Variants in GSG1L observed in about 807,000 individuals in gnomAD.
The protein encoded by GSG1L is GSG1 like.
Under a neutral mutation model 42.1 loss-of-function variants are expected in GSG1L, and 24 were observed. The observed-to-expected ratio is 0.57, with a 90% CI of 0.41 to 0.80. The LOEUF (loss-of-function observed/expected upper bound fraction) is 0.80, where lower values mean the gene tolerates loss of function less well. Ranked by LOEUF, GSG1L falls within the 30% of genes least tolerant of loss-of-function variation. The pLI, the probability that GSG1L is intolerant of heterozygous loss-of-function variation, is 0.00. For synonymous variants in GSG1L, 215 were observed against 203.5 expected, an observed-to-expected ratio of 1.06 and a Z score of -0.48; for missense variants, 445 against 472.2, an observed-to-expected ratio of 0.94 and a Z score of 0.53.
At chr16:28,006,748 T>C (rs2085644247) in intron 1 of GSG1L, among the ~76,000 whole-genome samples, 1 of 152,188 alleles carries the variant, frequency 6.6e-6, no homozygotes. Flanking sequence ...TAATACATTC[T>C]GAAAATGCCA....
Position 28,063,421 on chromosome 16 carries a change from T to C in GSG1L, c.4A>G (p.Lys2Glu). The change falls in exon 1 of 7, where the codon AAG (lysine) becomes GAG (glutamate). Residue 2 changes from lysine to glutamate, a missense_variant. Physicochemically the swap from Lys to Glu is moderately conservative, Grantham distance 56. Transcript: ENST00000447459. The surrounding 1 kb of genome is among the most constrained non-coding windows in gnomAD (Gnocchi z 5.8). ...AGCGCTCGGCCGCGGCGGCTAGTCT[T>C]CATGCCGCCCGCGCCGCCGGGACGG... M[K>E]TSRRGRALLA... 3 of 1,270,142 alleles carry C rather than the reference T, an allele frequency of 2.4e-6. No individual in the cohort carries two copies. The highest frequency in any genetic ancestry group is 3.0e-6 in the Non-Finnish European group (3 of 1,003,490). The allele number at this position is 1,270,142 out of a possible 1,614,324, so 78.7% of individuals were successfully genotyped here.
At chr16:27,993,651 GC>G (rs2085478972) in intron 1 of GSG1L, among the ~76,000 whole-genome samples, 1 of 152,182 alleles carries the variant, frequency 6.6e-6, no homozygotes, top group South Asian at 2.1e-4. Flanking sequence ...AAAGGAAGAA[GC>G]TGGTCAGGCA....
chr16:27,972,510 A>C (rs1408775541), intron 1 of GSG1L, among the ~76,000 whole-genome samples: 2 of 152,244 alleles, frequency 1.3e-5, no homozygotes, highest in Non-Finnish European at 2.9e-5. Context: ...AATTAAGTTT[A>C]TATGTTTAGT....
At chr16:28,006,936 T>A in intron 1 of GSG1L, among the ~76,000 whole-genome samples, 1 of 151,908 alleles carries the variant, frequency 6.6e-6, no homozygotes, top group Non-Finnish European at 1.5e-5. Flanking sequence ...TGGCACAGCA[T>A]CTAAAAGCAG....
At chr16:28,007,837 C>T (rs1202614813) in intron 1 of GSG1L, among the ~76,000 whole-genome samples, 1 of 152,044 alleles carries the variant, frequency 6.6e-6, no homozygotes, top group Non-Finnish European at 1.5e-5. Flanking sequence ...TGTTTTAAGC[C>T]ACTGAGTTTG....
intron 5 of GSG1L, among the ~76,000 whole-genome samples, chr16:27,824,946 C>T (rs571677101): frequency 5.6e-4 from 85 of 152,362 alleles, no homozygotes; most frequent in African/African-American, 1.9e-3. Context: ...GTGCCCACTT[C>T]GGGCCCTGTG....
chr16:27,864,242 C>T (rs1203626937), intron 3 of GSG1L, among the ~76,000 whole-genome samples: 3 of 152,138 alleles, frequency 2.0e-5, no homozygotes, highest in African/African-American at 4.8e-5. Flanking sequence ...TTTGATTGGC[C>T]GGGCTTTGGG....
chr16:27,832,817 T>C (rs906296699), intron 4 of GSG1L, among the ~76,000 whole-genome samples: 1 of 152,242 alleles, frequency 6.6e-6, no homozygotes, highest in Admixed American at 6.5e-5. Flanking sequence ...ATTGTTTTGT[T>C]GTTGTTTACT....
At chr16:27,975,103 A>G (rs1017800797) in intron 1 of GSG1L, among the ~76,000 whole-genome samples, 4 of 152,058 alleles carry the variant, frequency 2.6e-5, no homozygotes, top group Non-Finnish European at 4.4e-5. Flanking sequence ...TCTTTCCAAC[A>G]TGTTCCCAGA....
At chr16:27,796,108 C>T (rs1473395041) in intron 6 of GSG1L, among the ~76,000 whole-genome samples, 2 of 152,270 alleles carry the variant, frequency 1.3e-5, no homozygotes, top group East Asian at 3.9e-4. Flanking sequence ...TATTGATGCT[C>T]CTGACCCTAC....
intron 2 of GSG1L, among the ~76,000 whole-genome samples, chr16:27,908,572 G>A (rs776351220): frequency 1.1e-4 from 16 of 152,168 alleles, no homozygotes; most frequent in Non-Finnish European, 2.1e-4. Context: ...CACAGTTCTG[G>A]AGGCTGGGAA....
chr16:28,016,373 A>C (rs1258304717), intron 1 of GSG1L, among the ~76,000 whole-genome samples: 1 of 152,210 alleles, frequency 6.6e-6, no homozygotes, highest in Non-Finnish European at 1.5e-5. Flanking sequence ...AGGAGGAAGC[A>C]GATGCTGAGG....
At chr16:27,914,530 A>ATT (rs34120581) in intron 2 of GSG1L, among the ~76,000 whole-genome samples, 5,411 of 139,562 alleles carry the variant, frequency 0.039, 208 homozygotes, top group African/African-American at 0.087. Context: ...TTTCTTTTCT[A>ATT]TTTTTTTTTT....
rs1170426500 is a variant in GSG1L at position 27,903,012 on chromosome 16, G to A, written c.398-18374C>T. ...CCAGGCAAAGCAGTGGCGGCCAGGCGAGCCGAGTGACCAGAGGCTGCAGGG... is the reference window on the plus strand; with the variant it reads ...CCAGGCAAAGCAGTGGCGGCCAGGCAAGCCGAGTGACCAGAGGCTGCAGGG... On this transcript the variant is annotated intron_variant, in intron 2 of 6. Coordinates refer to ENST00000447459, the MANE Select transcript of GSG1L (RefSeq NM_001109763.2). Among the ~76,000 whole-genome samples, 14 of 152,188 alleles carry A rather than the reference G, an allele frequency of 9.2e-5. No homozygotes were observed. The East Asian group carries it at 9.7e-4, about 10-fold the overall frequency.
Position 27,803,766 on chromosome 16 carries a change from CATATATATAT to C in GSG1L, c.898+3711_898+3720del, listed in dbSNP as rs3047681. ...TCTGATCCTTTTCCCACAGTGCAGA[CATATATATAT>C]ATATATATATATATATATAGATAGA... On this transcript the variant is annotated intron_variant, in intron 6 of 6. Transcript: ENST00000447459. Among the ~76,000 whole-genome samples the C allele has an allele frequency of 6.4e-4, 75 of 117,900 alleles. 1 individual carries two copies. Among genetic ancestry groups the C allele is most frequent in the African/African-American group, 1.9e-3 (61 of 31,362 alleles). The allele number at this position is 117,900 out of a possible 152,430, so 77.3% of individuals were successfully genotyped here.
chr16:27,801,268 G>A (rs1427920616), intron 6 of GSG1L, among the ~76,000 whole-genome samples: 2 of 152,182 alleles, frequency 1.3e-5, no homozygotes, highest in African/African-American at 4.8e-5. Context: ...GCCAAGCTGA[G>A]TTTTATTGCC....
intron 1 of GSG1L, among the ~76,000 whole-genome samples, chr16:27,995,939 C>A (rs1596684690): frequency 6.6e-6 from 1 of 151,868 alleles, no homozygotes; most frequent in Non-Finnish European, 1.5e-5. Flanking sequence ...GTGGCTCACA[C>A]CTGTAATCCT....
intron 2 of GSG1L, among the ~76,000 whole-genome samples, chr16:27,960,871 C>T (rs1555510993): frequency 6.6e-6 from 1 of 152,082 alleles, no homozygotes; most frequent in Non-Finnish European, 1.5e-5. Flanking sequence ...TATACACAGC[C>T]AGAAGGTTCT....
intron 1 of GSG1L, among the ~76,000 whole-genome samples, chr16:27,969,813 G>A (rs2085173551): frequency 1.3e-5 from 2 of 152,164 alleles, no homozygotes; most frequent in Admixed American, 1.3e-4. Flanking sequence ...ATCATTCTAT[G>A]TTCCCATCAG....
Sources: allele counts gnomAD v4.1 joint callset (sites outside exome capture counted in the v4.1 genomes callset), GRCh38; gene constraint gnomAD v4.1.1; non-coding constraint Gnocchi (gnomAD v3.1); transcripts MANE v1.5; gene names NCBI Gene and HGNC (gene_info 2026-07-23, HGNC 2026-07-21).